Variants in MCM3AP observed in about 807,000 individuals in gnomAD.
MCM3AP encodes the protein germinal-center associated nuclear protein.
In MCM3AP, 126 loss-of-function variants were observed where a neutral mutation model predicts 184.1. The observed-to-expected ratio is 0.68, with a 90% CI of 0.59 to 0.79. The LOEUF is 0.79. Ranked by LOEUF, MCM3AP falls within the 30% of genes least tolerant of loss-of-function variation. The pLI is 0.00. For missense variants in MCM3AP, 2,496 were observed against 2,479.2 expected (o/e 1.01, Z -0.14); for synonymous variants, 1,002 against 979.3 (o/e 1.02, Z -0.43).
chr21:46,255,459 A>G (rs550519496), intron 17 of MCM3AP, among the ~76,000 whole-genome samples: 1 of 152,056 alleles, frequency 6.6e-6, no homozygotes, highest in South Asian at 2.1e-4. Flanking sequence ...ATTGGGGCCC[A>G]GGGTGGAAGC....
At chr21:46,247,551 T>G (rs1376544845) in intron 20 of MCM3AP, 2 of 149,210 alleles carry the variant, frequency 1.3e-5, no homozygotes. Flanking sequence ...GAGACAGGGT[T>G]TCACCATGTT....
At chr21:46,241,073 C>A in intron 25 of MCM3AP, 56 bp from the exon 26 acceptor site, 1 of 1,222,152 alleles carries the variant, frequency 8.2e-7, no homozygotes, top group Non-Finnish European at 1.2e-6. Flanking sequence ...TCTACAGCAT[C>A]ATGTAAAGCA....
chr21:46,266,625 G>T, intron 10 of MCM3AP: 1 of 287,738 alleles, frequency 3.5e-6, no homozygotes, highest in Non-Finnish European at 6.6e-6. Flanking sequence ...GAAGACTCCG[G>T]CTGGCCTGCG....
At chr21:46,260,571 A>G (rs2081028627) in intron 15 of MCM3AP, among the ~76,000 whole-genome samples, 2 of 152,372 alleles carry the variant, frequency 1.3e-5, no homozygotes. Flanking sequence ...GACTATGATC[A>G]TGTGGTGGCA....
At chr21:46,279,410 G>A (rs1310249843) in intron 4 of MCM3AP, among the ~76,000 whole-genome samples, 1 of 152,242 alleles carries the variant, frequency 6.6e-6, no homozygotes, top group Admixed American at 6.5e-5. Context: ...GGACGAGTTA[G>A]ATGAGCAAGG....
chr21:46,239,909 G>A (rs1215086143), intron 26 of MCM3AP, among the ~76,000 whole-genome samples: 3 of 152,094 alleles, frequency 2.0e-5, no homozygotes, highest in South Asian at 4.1e-4. Context: ...CCAAGGACTG[G>A]GATTCACGGT....
chr21:46,261,698 A>G (rs1484928377), intron 13 of MCM3AP, among the ~76,000 whole-genome samples: 1 of 148,026 alleles, frequency 6.8e-6, no homozygotes, highest in Non-Finnish European at 1.5e-5. Context: ...GCGTCACTGT[A>G]CTCCAGCCTG....
rs771302214 is a variant in MCM3AP at position 46,256,912 on chromosome 21, A to G, written c.3809T>C (p.Val1270Ala). 1 of 1,610,836 alleles carries G rather than the reference A, an allele frequency of 6.2e-7. No individual in the cohort carries two copies. Among genetic ancestry groups the G allele is most frequent in the East Asian group, 2.2e-5 (1 of 44,790 alleles). The change falls in exon 17 of 28, where the codon GTG (valine) becomes GCG (alanine). Residue 1270 changes from valine (V) to alanine (A), a missense_variant. Val to Ala is a moderately conservative substitution (Grantham distance 64). This residue lies in a region of MCM3AP where 1,323 missense variants were observed against 1,273.4 expected (regional missense o/e 1.04). Transcript: ENST00000291688. ...CGCCCTCAGCCGGTCGCTCACGTCC[A>G]CGCAGCAGGGCGCAGCAGGGAAAGC... ...MRAFPAAPCC[V>A]DVSDRLRALA...
At position 46,266,185 on chromosome 21, in the gene MCM3AP, A is replaced by AC. The variant is rs762911717; in HGVS notation, c.2790-20dup. 3.8e-6 allele frequency: 6 copies of AC among 1,574,860 alleles called. No homozygotes were observed. The South Asian group carries it at 4.8e-5, about 13-fold the overall frequency. ...CACACAGCTACCCAGACCACAAAAG[A>AC]CCCCCGAGGGGTGTCACCAGGGGAG... On this transcript the variant is annotated intron_variant, in intron 10 of 27. Transcript: ENST00000291688.
intron 17 of MCM3AP, 91 bp downstream of exon 17, chr21:46,256,698 C>T (rs1397883242): frequency 1.4e-6 from 2 of 1,439,860 alleles, no homozygotes; most frequent in African/African-American, 1.4e-5. Context: ...CACCTATCTT[C>T]ACCCTCCAAA....
chr21:46,273,443 C>T lies in MCM3AP; in HGVS notation c.2141G>A (p.Gly714Asp). ...GAAGTCATACCAATCCCGCAGGCTG[C>T]CCTCCTTCTGGTCCATGATCTGGGT... ...LVTQIMDQKEGSLRDWYDFVW... is the reference protein window; with the variant it reads ...LVTQIMDQKEDSLRDWYDFVW... The change falls in exon 7 of 28, where the codon GGC becomes GAC. Residue 714 changes from glycine to aspartate, a missense_variant. Gly to Asp is a moderately conservative substitution (Grantham distance 94). Around this residue, in one of 5 missense-constraint regions of MCM3AP, gnomAD observed 130 missense variants for 199.8 expected, o/e 0.65. Coordinates refer to ENST00000291688, the MANE Select transcript of MCM3AP (RefSeq NM_003906.5). 6.2e-7 allele frequency: 1 copy of T among 1,614,012 alleles called. No homozygotes were observed. The highest frequency in any genetic ancestry group is 8.5e-7 in the Non-Finnish European group (1 of 1,179,864).
intron 3 of MCM3AP, among the ~76,000 whole-genome samples, 160 bp from the exon 4 acceptor site, chr21:46,280,297 C>T (rs951308492): frequency 9.9e-5 from 15 of 152,116 alleles, no homozygotes; most frequent in Admixed American, 6.5e-5. Flanking sequence ...CACTGAGAGC[C>T]AGCCTCCTCC....
At chr21:46,278,749 C>T (rs543680491) in intron 4 of MCM3AP, among the ~76,000 whole-genome samples, 4 of 152,004 alleles carry the variant, frequency 2.6e-5, no homozygotes, top group African/African-American at 7.2e-5. Context: ...TCTCGGCTCA[C>T]TGCAAGCTCC....
chr21:46,270,489 A>C lies in MCM3AP; in HGVS notation c.2540T>G (p.Leu847Trp). 6.2e-7 allele frequency: 1 copy of C among 1,613,970 alleles called. No homozygotes were observed. The highest frequency in any genetic ancestry group is 8.5e-7 in the Non-Finnish European group (1 of 1,179,872). Residue 847 changes from leucine (L) to tryptophan (W), a missense_variant, in exon 9 of 28, where the codon TTG (leucine) becomes TGG (tryptophan). Leu to Trp is a moderately conservative substitution (Grantham distance 61, BLOSUM62 -2). This residue lies in a region of MCM3AP where 138 missense variants were observed against 191.9 expected (regional missense o/e 0.72). Coordinates refer to ENST00000291688, the MANE Select transcript of MCM3AP (RefSeq NM_003906.5). Reference protein sequence around the residue: ...VKFAVQAFAALNSNNFVRFFK... With the variant: ...VKFAVQAFAAWNSNNFVRFFK... ...AAATCTCACAAAATTATTACTGTTC[A>C]ATGCAGCAAAAGCCTGAACAGCAAA...
chr21:46,257,352 G>C (rs1431236999), intron 16 of MCM3AP, among the ~76,000 whole-genome samples: 1 of 151,884 alleles, frequency 6.6e-6, no homozygotes, highest in Non-Finnish European at 1.5e-5. Context: ...GTGGGCGACT[G>C]TGGTCCCAGC....
At chr21:46,246,232 C>T (rs747782401) in intron 22 of MCM3AP, 75 bp downstream of exon 22, 43 of 876,648 alleles carry the variant, frequency 4.9e-5, no homozygotes, top group Non-Finnish European at 7.3e-5. Flanking sequence ...CGCTAATATA[C>T]ACTCAATTCA....
At chr21:46,249,390 G>A (rs772939385) in intron 20 of MCM3AP, among the ~76,000 whole-genome samples, 5 of 152,040 alleles carry the variant, frequency 3.3e-5, no homozygotes, top group African/African-American at 4.8e-5. Flanking sequence ...GTTTCACCGC[G>A]TTGCCCAGGC....
intron 12 of MCM3AP, 93 bp downstream of exon 12, chr21:46,265,228 G>C: frequency 8.3e-7 from 1 of 1,206,090 alleles, no homozygotes; most frequent in Non-Finnish European, 1.2e-6. Context: ...TGAGAGACCA[G>C]GCGCCACAGC....
At chr21:46,255,524 C>T (rs1160306593) in intron 17 of MCM3AP, among the ~76,000 whole-genome samples, 1 of 152,100 alleles carries the variant, frequency 6.6e-6, no homozygotes, top group Non-Finnish European at 1.5e-5. Context: ...CTGCCATGCC[C>T]TCGGTGCTGG....
Sources: gnomAD v4.1 joint callset for allele counts (sites outside exome capture counted in the v4.1 genomes callset) on GRCh38, gnomAD v4.1.1 for gene constraint, gnomAD v4.1.1 regional missense constraint, MANE v1.5 for transcripts, NCBI Gene and HGNC (gene_info 2026-07-23, HGNC 2026-07-21) for gene names.